GRIK1: variants seen among roughly 807,000 people sequenced by gnomAD.
GRIK1 encodes glutamate ionotropic receptor kainate type subunit 1.
GRIK1 carries 69 observed loss-of-function variants against 105.7 expected under a neutral mutation model. The ratio of observed to expected loss-of-function variants is 0.65; its 90% CI spans 0.54 to 0.80. The LOEUF is 0.80. Among genes scored for constraint, GRIK1 ranks in the 30% least tolerant of loss-of-function variants. GRIK1 has a pLI of 0.00. For synonymous variants in GRIK1, 438 were observed against 431.3 expected, an observed-to-expected ratio of 1.02 and a Z score of -0.19; for missense variants, 1,109 against 1,167.3, an observed-to-expected ratio of 0.95 and a Z score of 0.73.
Position 29,939,946 on chromosome 21 carries a change from G to A in GRIK1, c.-446C>T, listed in dbSNP as rs948117725. ...CGAAGAAGGAGAGAGGGTACAGGGTGAGTTGGTGCAGGGGCTCTGAGCAAG... is the reference window on the plus strand; with the variant it reads ...CGAAGAAGGAGAGAGGGTACAGGGTAAGTTGGTGCAGGGGCTCTGAGCAAG... On this transcript the variant is annotated 5_prime_UTR_variant, in exon 1 of 18. Transcript: ENST00000327783. The A allele has an allele frequency of 1.3e-5, 2 of 154,918 alleles. No homozygotes were observed. Among genetic ancestry groups the A allele is most frequent in the Admixed American group, 6.5e-5 (1 of 15,460 alleles). The allele number at this position is 154,918 out of a possible 1,614,324, so 9.6% of individuals were successfully genotyped here.
chr21:29,578,943 G>A lies in GRIK1; in HGVS notation c.1913-1762C>T, dbSNP rs564360701. 2.6e-5 allele frequency among the ~76,000 whole-genome samples: 4 copies of A among 152,136 alleles called. No homozygotes were observed. In the South Asian group the frequency reaches 8.3e-4, roughly 32 times the overall value. ...ATAGATATATTTTTCTTAGCTTATGGGTGCAGATTTTCTGCTGTAAATTTA... is the reference window on the plus strand; with the variant it reads ...ATAGATATATTTTTCTTAGCTTATGAGTGCAGATTTTCTGCTGTAAATTTA... On this transcript the variant is annotated intron_variant, in intron 13 of 17. Coordinates refer to ENST00000327783, the MANE Select transcript of GRIK1 (RefSeq NM_001330994.2).
intron 1 of GRIK1, among the ~76,000 whole-genome samples, chr21:29,890,934 T>C (rs930347065): frequency 6.6e-6 from 1 of 152,152 alleles, no homozygotes; most frequent in Non-Finnish European, 1.5e-5. Context: ...GTATGTGTCA[T>C]AGATCACCAT....
At position 29,651,237 on chromosome 21, in the gene GRIK1, C is replaced by T. The variant is rs1445696890; in HGVS notation, c.835G>A (p.Gly279Arg). 6.2e-6 allele frequency: 10 copies of T among 1,613,464 alleles called. No individual in the cohort carries two copies. The highest frequency in any genetic ancestry group is 3.3e-5 in the Admixed American group (2 of 60,008). The change falls in exon 6 of 18, where the codon GGG (glycine) becomes AGG (arginine). Residue 279 changes from glycine to arginine, a missense_variant. Physicochemically the swap from Gly to Arg is moderately radical, Grantham distance 125. This residue lies in a region of GRIK1 where 612 missense variants were observed against 586.0 expected (regional missense o/e 1.04). Transcript: ENST00000327783. ...LYRYSGVNMT[G>R]FRLLNIDNPH... ...TTGTCAATGTTAAGCAGCCGAAACCCGGTCATGTTTACGCCACTGTACCTA... is the reference window on the plus strand; with the variant it reads ...TTGTCAATGTTAAGCAGCCGAAACCTGGTCATGTTTACGCCACTGTACCTA...
intron 1 of GRIK1, among the ~76,000 whole-genome samples, chr21:29,918,438 C>T (rs2146316318): frequency 6.6e-6 from 1 of 152,172 alleles, no homozygotes; most frequent in Non-Finnish European, 1.5e-5. Context: ...CCAGTTCTTA[C>T]ACATACTTAG....
chr21:29,697,864 T>C (rs1277114490), intron 1 of GRIK1, among the ~76,000 whole-genome samples: 1 of 152,122 alleles, frequency 6.6e-6, no homozygotes, highest in African/African-American at 2.4e-5. Flanking sequence ...GTTCTCTCTT[T>C]CCCTCTCTTT....
chr21:29,803,107 A>T (rs1036895601), intron 1 of GRIK1, among the ~76,000 whole-genome samples: 5 of 152,144 alleles, frequency 3.3e-5, no homozygotes, highest in African/African-American at 7.2e-5. Context: ...GAATTTGATG[A>T]GTGGATAACT....
chr21:29,765,754 A>G (rs2065646732), intron 1 of GRIK1, among the ~76,000 whole-genome samples: 2 of 152,082 alleles, frequency 1.3e-5, no homozygotes, highest in African/African-American at 4.8e-5. Context: ...GTCCACCTGC[A>G]TGTTGTCCAC....
chr21:29,880,524 AT>A (rs2069369084), intron 1 of GRIK1, among the ~76,000 whole-genome samples: 1 of 152,160 alleles, frequency 6.6e-6, no homozygotes, highest in South Asian at 2.1e-4. Flanking sequence ...ATGGAAGGTA[AT>A]GTTCTGGGAA....
intron 1 of GRIK1, among the ~76,000 whole-genome samples, chr21:29,846,463 G>GAA (rs1438057761): frequency 0.085 from 10,860 of 127,642 alleles, 547 homozygotes; most frequent in African/African-American, 0.12. Context: ...GAAAGAGAGA[G>GAA]AGAAAGAAAG....
At chr21:29,880,075 A>C (rs1408681728) in intron 1 of GRIK1, among the ~76,000 whole-genome samples, 1 of 152,160 alleles carries the variant, frequency 6.6e-6, no homozygotes, top group Non-Finnish European at 1.5e-5. Flanking sequence ...AACCCTAATC[A>C]GAAAAATAAA....
intron 1 of GRIK1, among the ~76,000 whole-genome samples, chr21:29,914,937 C>A (rs1169758989): frequency 6.6e-6 from 1 of 151,974 alleles, no homozygotes; most frequent in African/African-American, 2.4e-5. Flanking sequence ...ATAAATAAAT[C>A]CCTATTGTTA....
chr21:29,658,909 C>T (rs1326785710), intron 4 of GRIK1, among the ~76,000 whole-genome samples: 1 of 152,102 alleles, frequency 6.6e-6, no homozygotes, highest in Non-Finnish European at 1.5e-5. Flanking sequence ...GTTATCAGTG[C>T]CAGAACAAGC....
intron 1 of GRIK1, among the ~76,000 whole-genome samples, chr21:29,754,182 T>C (rs1271118516): frequency 6.6e-6 from 1 of 152,184 alleles, no homozygotes; most frequent in African/African-American, 2.4e-5. Context: ...AGATTACAGC[T>C]GGAACAAATG....
At chr21:29,602,398 G>A (rs1469544900) in intron 7 of GRIK1, among the ~76,000 whole-genome samples, 2 of 152,164 alleles carry the variant, frequency 1.3e-5, no homozygotes, top group African/African-American at 4.8e-5. Flanking sequence ...TCCATTTATT[G>A]AATATCTTCT....
intron 7 of GRIK1, among the ~76,000 whole-genome samples, chr21:29,621,474 A>G (rs986079066): frequency 3.9e-5 from 6 of 152,314 alleles, no homozygotes; most frequent in African/African-American, 1.2e-4. Context: ...GCAGATGGGC[A>G]AATTATGCAT....
intron 1 of GRIK1, among the ~76,000 whole-genome samples, chr21:29,931,511 T>A (rs2146359504): frequency 6.6e-6 from 1 of 152,270 alleles, no homozygotes; most frequent in East Asian, 1.9e-4. Flanking sequence ...CTAACCTGGA[T>A]CCCCTGGCTC....
At chr21:29,811,374 C>T (rs1330861968) in intron 1 of GRIK1, among the ~76,000 whole-genome samples, 1 of 152,072 alleles carries the variant, frequency 6.6e-6, no homozygotes, top group African/African-American at 2.4e-5. Flanking sequence ...TGTCTGTTTC[C>T]TTTTAGGGAT....
At chr21:29,884,891 T>A (rs2069553922) in intron 1 of GRIK1, among the ~76,000 whole-genome samples, 1 of 151,980 alleles carries the variant, frequency 6.6e-6, no homozygotes, top group African/African-American at 2.4e-5. Flanking sequence ...CACAGAGCTA[T>A]CCAGAAAAAG....
chr21:29,909,637 T>G (rs7279475), intron 1 of GRIK1, among the ~76,000 whole-genome samples: 12 of 152,122 alleles, frequency 7.9e-5, no homozygotes, highest in African/African-American at 2.9e-4. Flanking sequence ...AGCTAAGCAG[T>G]AATAATTAGA....
Sources: allele counts gnomAD v4.1 joint callset (sites outside exome capture counted in the v4.1 genomes callset), GRCh38; gene constraint gnomAD v4.1.1; regional missense constraint gnomAD v4.1.1; transcripts MANE v1.5; gene names NCBI Gene and HGNC (gene_info 2026-07-23, HGNC 2026-07-21).